DENND1B: variants seen among roughly 807,000 people sequenced by gnomAD.
The protein encoded by DENND1B is DENN domain-containing protein 1B.
DENND1B carries 59 observed loss-of-function variants against 90.1 expected under a neutral mutation model. That is an observed-to-expected ratio of 0.65 (90% CI 0.53 to 0.81). DENND1B has a LOEUF of 0.81. Ranked by LOEUF, DENND1B falls within the 40% of genes least tolerant of loss-of-function variation. DENND1B has a pLI of 0.00. For synonymous variants in DENND1B, 337 were observed against 324.6 expected (o/e 1.04, Z -0.41); for missense variants, 862 against 912.6 (o/e 0.94, Z 0.71).
At chr1:197,624,193 AAC>A (rs1678437053) in intron 10 of DENND1B, among the ~76,000 whole-genome samples, 2 of 151,824 alleles carry the variant, frequency 1.3e-5, no homozygotes, top group South Asian at 4.2e-4. Flanking sequence ...CAATATTCAA[AAC>A]AGTGTAGCAT....
At chr1:197,597,302 T>C (rs1392838992) in intron 13 of DENND1B, among the ~76,000 whole-genome samples, 1 of 151,718 alleles carries the variant, frequency 6.6e-6, no homozygotes, top group Non-Finnish European at 1.5e-5. Flanking sequence ...GGAGTGCATA[T>C]CAATATACGT....
intron 20 of DENND1B, among the ~76,000 whole-genome samples, chr1:197,515,637 C>T (rs1439019453): frequency 6.6e-6 from 1 of 151,718 alleles, no homozygotes; most frequent in Non-Finnish European, 1.5e-5. Context: ...AGAACTAATA[C>T]AGGAAGATTA....
At chr1:197,773,672 T>C (rs1571708547) in intron 1 of DENND1B, among the ~76,000 whole-genome samples, 1 of 152,232 alleles carries the variant, frequency 6.6e-6, no homozygotes, top group East Asian at 1.9e-4. Context: ...AATTCAGAAG[T>C]TATTGACTTT....
At chr1:197,587,730 T>C (rs189680832) in intron 14 of DENND1B, among the ~76,000 whole-genome samples, 6 of 152,246 alleles carry the variant, frequency 3.9e-5, no homozygotes, top group Admixed American at 3.3e-4. Flanking sequence ...AGTTGTGGGA[T>C]AATTCAAGCG....
chr1:197,769,458 A>C (rs1656123634), intron 2 of DENND1B, among the ~76,000 whole-genome samples: 1 of 152,180 alleles, frequency 6.6e-6, no homozygotes. Flanking sequence ...CACAAACAAA[A>C]AAGCAGAGTT....
At chr1:197,630,621 T>G (rs547196171) in intron 10 of DENND1B, among the ~76,000 whole-genome samples, 16 of 152,290 alleles carry the variant, frequency 1.1e-4, no homozygotes, top group Non-Finnish European at 1.9e-4. Flanking sequence ...CCAAGTCCTT[T>G]GGAAAGTTCT....
At chr1:197,596,921 G>T (rs1361688251) in intron 13 of DENND1B, among the ~76,000 whole-genome samples, 1 of 151,868 alleles carries the variant, frequency 6.6e-6, no homozygotes, top group Non-Finnish European at 1.5e-5. Flanking sequence ...TCTGATCAAA[G>T]AAACAGACCC....
At chr1:197,664,357 C>T (rs1043877937) in intron 5 of DENND1B, among the ~76,000 whole-genome samples, 2 of 152,084 alleles carry the variant, frequency 1.3e-5, no homozygotes, top group African/African-American at 2.4e-5. Flanking sequence ...AACTGTGACT[C>T]TCGCACTCTT....
At chr1:197,593,049 A>G (rs1675374029) in intron 14 of DENND1B, among the ~76,000 whole-genome samples, 1 of 152,030 alleles carries the variant, frequency 6.6e-6, no homozygotes, top group African/African-American at 2.4e-5. Context: ...TTTGGTTGAT[A>G]TTAAAAAAAG....
chr1:197,608,601 ATCT>A (rs1438184299), intron 12 of DENND1B, among the ~76,000 whole-genome samples: 1 of 150,630 alleles, frequency 6.6e-6, no homozygotes, highest in Non-Finnish European at 1.5e-5. Context: ...TTTGATTTTC[ATCT>A]TCAACTTTAA....
At chr1:197,759,450 G>C (rs1315452467) in intron 2 of DENND1B, among the ~76,000 whole-genome samples, 1 of 150,228 alleles carries the variant, frequency 6.7e-6, no homozygotes, top group East Asian at 1.9e-4. Context: ...ATATATTCAA[G>C]ATAAAAGTGA....
intron 20 of DENND1B, among the ~76,000 whole-genome samples, chr1:197,531,423 T>A: frequency 1.2e-3 from 1 of 842 alleles, no homozygotes; most frequent in African/African-American, 1.2e-3. Context: ...TTTTTTTTCA[T>A]TTATTTTTAT....
At chr1:197,516,699 CAT>C (rs937326533) in intron 20 of DENND1B, among the ~76,000 whole-genome samples, 5 of 151,674 alleles carry the variant, frequency 3.3e-5, no homozygotes, top group Non-Finnish European at 5.9e-5. Flanking sequence ...CTGCAGAAAA[CAT>C]ATTGTGTATT....
chr1:197,780,517 G>T (rs1657400572), upstream of DENND1B, among the ~76,000 whole-genome samples: 1 of 151,688 alleles, frequency 6.6e-6, no homozygotes, highest in Non-Finnish European at 1.5e-5. Context: ...GTAGAGGCAG[G>T]GTTTCACCAT....
chr1:197,737,412 T>C (rs1662799689), intron 2 of DENND1B, among the ~76,000 whole-genome samples: 1 of 152,200 alleles, frequency 6.6e-6, no homozygotes, highest in African/African-American at 2.4e-5. Flanking sequence ...AAATCATCTA[T>C]AGCTCTAAAT....
At chr1:197,720,483 G>A (rs955888251) in intron 2 of DENND1B, among the ~76,000 whole-genome samples, 11 of 151,524 alleles carry the variant, frequency 7.3e-5, no homozygotes, top group African/African-American at 2.2e-4. Flanking sequence ...TCAGGTGATC[G>A]TACTGCCTCC....
At chr1:197,749,788 T>G (rs532644640) in intron 2 of DENND1B, among the ~76,000 whole-genome samples, 1 of 152,304 alleles carries the variant, frequency 6.6e-6, no homozygotes, top group Non-Finnish European at 1.5e-5. Flanking sequence ...ATTATGGGGA[T>G]TCTCTTACTT....
At position 197,736,822 on chromosome 1, in the gene DENND1B, T is replaced by C. The variant is rs1662736139; in HGVS notation, c.83-21748A>G. 2.0e-5 allele frequency among the ~76,000 whole-genome samples: 3 copies of C among 152,340 alleles called. No homozygotes were observed. In the South Asian group the frequency reaches 6.2e-4, roughly 32 times the overall value. Reference sequence around the variant, plus strand: ...GATCTTGCTTGCCTTTCTCTTAGACTGCTATTCAGATTTTTGTTATACCAC... The same window carrying C: ...GATCTTGCTTGCCTTTCTCTTAGACCGCTATTCAGATTTTTGTTATACCAC... On this transcript the variant is annotated intron_variant, in intron 2 of 22. Transcript: ENST00000620048.
At chr1:197,719,712 T>C (rs1660979232) in intron 2 of DENND1B, among the ~76,000 whole-genome samples, 1 of 152,168 alleles carries the variant, frequency 6.6e-6, no homozygotes, top group South Asian at 2.1e-4. Flanking sequence ...GTGAGGTTTC[T>C]GTTAGTCAGG....
Sources: gnomAD v4.1 joint callset for allele counts (sites outside exome capture counted in the v4.1 genomes callset) on GRCh38, gnomAD v4.1.1 for gene constraint, MANE v1.5 for transcripts, NCBI Gene and HGNC (gene_info 2026-07-23, HGNC 2026-07-21) for gene names.